The following ARHGAP32 variants were observed in gnomAD, a reference collection of about 807,000 sequenced individuals.
The protein encoded by ARHGAP32 is Rho GTPase activating protein 32.
Under a neutral mutation model 186.5 loss-of-function variants are expected in ARHGAP32, and 51 were observed. The observed-to-expected ratio is 0.27, with a 90% CI of 0.22 to 0.35. ARHGAP32 has a LOEUF of 0.35. ARHGAP32 is among the 10% of genes least tolerant of loss of function. The pLI is 1.00. For missense variants in ARHGAP32, 2,186 were observed against 2,623.5 expected (o/e 0.83, Z 3.64); for synonymous variants, 950 against 964.3 (o/e 0.99, Z 0.27).
intron 1 of ARHGAP32, among the ~76,000 whole-genome samples, chr11:129,218,431 T>C (rs1169299340): frequency 7.9e-6 from 1 of 126,992 alleles, no homozygotes; most frequent in Non-Finnish European, 1.6e-5. Flanking sequence ...ATGCATTCCA[T>C]CTCCCACTGC....
intron 1 of ARHGAP32, among the ~76,000 whole-genome samples, chr11:129,221,158 A>G (rs2135611429): frequency 6.6e-6 from 1 of 152,310 alleles, no homozygotes; most frequent in East Asian, 1.9e-4. Context: ...TAATTTTCCC[A>G]GTATGATATA....
chr11:129,131,196 G>A (rs1000541039), intron 2 of ARHGAP32, among the ~76,000 whole-genome samples: 6 of 151,956 alleles, frequency 3.9e-5, no homozygotes, highest in Admixed American at 1.3e-4. Context: ...ACCAAGAACT[G>A]TTTTATATCT....
At chr11:129,207,919 C>T (rs1053796366) in intron 1 of ARHGAP32, among the ~76,000 whole-genome samples, 2 of 152,112 alleles carry the variant, frequency 1.3e-5, no homozygotes, top group South Asian at 4.2e-4. Flanking sequence ...GAATGTTTCT[C>T]TTGTAACCAA....
At chr11:129,094,617 G>T (rs951277656) in intron 5 of ARHGAP32, among the ~76,000 whole-genome samples, 2 of 152,168 alleles carry the variant, frequency 1.3e-5, no homozygotes, top group Non-Finnish European at 2.9e-5. Flanking sequence ...CCCCAAGAAA[G>T]TTTGTCACAG....
intron 11 of ARHGAP32, among the ~76,000 whole-genome samples, chr11:129,026,870 A>C (rs1237278852): frequency 1.3e-5 from 2 of 149,478 alleles, no homozygotes; most frequent in African/African-American, 4.9e-5. Context: ...GAGGCTGAGG[A>C]GGGCAGATCA....
chr11:129,124,520 C>T (rs1942612200), intron 3 of ARHGAP32, among the ~76,000 whole-genome samples: 1 of 152,090 alleles, frequency 6.6e-6, no homozygotes, highest in African/African-American at 2.4e-5. Context: ...AGAGCATGCA[C>T]TAAGGGTACC....
At chr11:128,999,200 G>A (rs1009868648) in intron 11 of ARHGAP32, among the ~76,000 whole-genome samples, 3 of 152,126 alleles carry the variant, frequency 2.0e-5, no homozygotes, top group African/African-American at 7.2e-5. Flanking sequence ...CATTCCCAGG[G>A]GGAGGTCTCT....
Position 128,970,487 on chromosome 11 carries a change from T to C in ARHGAP32, c.4726A>G (p.Ser1576Gly). The C allele has an allele frequency of 6.2e-7, 1 of 1,613,958 alleles. No individual in the cohort carries two copies. Among genetic ancestry groups the C allele is most frequent in the Non-Finnish European group, 8.5e-7 (1 of 1,179,990 alleles). The change falls in exon 23 of 23, where the codon AGC (serine) becomes GGC (glycine). Residue 1576 changes from serine to glycine, a missense_variant. By Grantham distance (56) the Ser-to-Gly change is moderately conservative. Coordinates refer to ENST00000682385, the MANE Select transcript of ARHGAP32 (RefSeq NM_001378024.1). This position sits in a 1 kb window ranked among gnomAD's most constrained non-coding sequence, Gnocchi z 5.8. ...TAACAGGTATTCCTGACAGAGGAGC[T>C]CAAAGAAGACACATACTCGACCCGG... ...CSRVEYVSSL[S>G]SSVRNTCYPE... is the part of the protein sequence containing the mutation.
At chr11:128,982,891 T>TAAA (rs34630708) in intron 15 of ARHGAP32, among the ~76,000 whole-genome samples, 3 of 66,406 alleles carry the variant, frequency 4.5e-5, no homozygotes, top group East Asian at 4.3e-4. Context: ...ACCTTGTCTT[T>TAAA]AAAAAAAAAA....
At chr11:129,171,261 A>G (rs1474504173) in intron 1 of ARHGAP32, among the ~76,000 whole-genome samples, 1 of 152,202 alleles carries the variant, frequency 6.6e-6, no homozygotes, top group African/African-American at 2.4e-5. Flanking sequence ...TATGTCCTGA[A>G]TGGTAATGCC....
intron 2 of ARHGAP32, among the ~76,000 whole-genome samples, chr11:129,160,326 A>G (rs1394899646): frequency 6.6e-6 from 1 of 152,190 alleles, no homozygotes; most frequent in African/African-American, 2.4e-5. Context: ...CTGTTTGCAG[A>G]TGACGTGATT....
At chr11:129,180,869 A>G (rs1413389557) in intron 1 of ARHGAP32, among the ~76,000 whole-genome samples, 1 of 152,188 alleles carries the variant, frequency 6.6e-6, no homozygotes, top group East Asian at 1.9e-4. Flanking sequence ...TATGGGAACC[A>G]GCCTTATCAT....
At position 128,985,052 on chromosome 11, in the gene ARHGAP32, G is replaced by A. The variant is rs558800449; in HGVS notation, c.1526+951C>T. Among the ~76,000 whole-genome samples the A allele has an allele frequency of 1.1e-4, 16 of 152,130 alleles. No homozygotes were observed. The South Asian group carries it at 2.7e-3, about 26-fold the overall frequency. ...AGAATTTTTTTTTAAATGGAGTCTC[G>A]CTTTGTTGTCCAGCTGGGGTGCAGT... On this transcript the variant is annotated intron_variant, in intron 15 of 22. Coordinates refer to ENST00000682385, the MANE Select transcript of ARHGAP32 (RefSeq NM_001378024.1).
chr11:128,990,797 C>G (rs1565361235), intron 12 of ARHGAP32, among the ~76,000 whole-genome samples: 1 of 152,080 alleles, frequency 6.6e-6, no homozygotes, highest in Non-Finnish European at 1.5e-5. Context: ...TTTGGGGCTA[C>G]AAAATTTCAG....
intron 10 of ARHGAP32, 100 bp from the exon 11 acceptor site, chr11:129,041,109 C>T (rs1055995007): frequency 1.5e-6 from 1 of 682,182 alleles, no homozygotes; most frequent in Admixed American, 2.7e-5. Context: ...CAGTCCCTCC[C>T]AAATGATTCT....
At position 128,968,553 on chromosome 11, in the gene ARHGAP32, A is replaced by C; in HGVS notation, c.*354T>G. On this transcript the variant is annotated 3_prime_UTR_variant, in exon 23 of 23. Transcript: ENST00000682385. The stretch of plus-strand genomic sequence containing the variant: ...GCTCTCAATTATGCAGCAAATACTA[A>C]GAAGAAAGGACAATGCTGAATTCAA... 1 of 170,316 alleles carries C rather than the reference A, an allele frequency of 5.9e-6. No individual in the cohort carries two copies. The highest frequency in any genetic ancestry group is 1.2e-5 in the Non-Finnish European group (1 of 80,756). 10.6% of individuals were successfully genotyped at this position (170,316 alleles called of 1,614,324 possible).
At chr11:129,198,819 C>T (rs866811824) in intron 1 of ARHGAP32, among the ~76,000 whole-genome samples, 26 of 152,116 alleles carry the variant, frequency 1.7e-4, no homozygotes, top group African/African-American at 6.0e-4. Flanking sequence ...CAAGCAGAGG[C>T]TGAAACAGTT....
rs576387600 is a variant in ARHGAP32 at position 129,244,050 on chromosome 11, T to A, written c.-5+35096A>T. On this transcript the variant is annotated intron_variant, in intron 1 of 6. Transcript: ENST00000525234. ...CTGGCACAACAGAAAATAAGAGACC[T>A]GTGCATCAATAATAAAATACAACAG... Among the ~76,000 whole-genome samples the A allele has an allele frequency of 3.7e-3, 571 of 152,348 alleles. 2 individuals carry two copies. The highest frequency in any genetic ancestry group is 0.013 in the African/African-American group (545 of 41,594).
At chr11:129,265,906 T>TA (rs563570725) in intron 1 of ARHGAP32, among the ~76,000 whole-genome samples, 59 of 152,254 alleles carry the variant, frequency 3.9e-4, no homozygotes, top group African/African-American at 1.3e-3. Context: ...AAGAGAGCTA[T>TA]AAAAAATGAG....
Sources: allele counts gnomAD v4.1 joint callset (sites outside exome capture counted in the v4.1 genomes callset), GRCh38; gene constraint gnomAD v4.1.1; non-coding constraint Gnocchi (gnomAD v3.1); transcripts MANE v1.5; gene names NCBI Gene and HGNC (gene_info 2026-07-23, HGNC 2026-07-21).